Variants in ZNF75D observed in about 807,000 individuals in gnomAD.
ZNF75D encodes zinc finger protein 75.
Under a neutral mutation model 33.3 loss-of-function variants are expected in ZNF75D, and 33 were observed. The observed-to-expected ratio is 0.99, with a 90% CI of 0.75 to 1.32. ZNF75D has a LOEUF of 1.32. ZNF75D is among the 40% of genes most tolerant of loss of function. The pLI, the probability that ZNF75D is intolerant of heterozygous loss-of-function variation, is 0.00. For synonymous variants in ZNF75D, 113 were observed against 130.6 expected (o/e 0.87, Z 0.92); for missense variants, 338 against 367.5 (o/e 0.92, Z 0.66).
chrX:135,296,674 A>G (rs928630451), intron 1 of ZNF75D, among the ~76,000 whole-genome samples: 3 of 112,646 alleles, frequency 2.7e-5, no homozygotes, highest in African/African-American at 9.7e-5. Context: ...GTTATCAGAC[A>G]TGTGCTCCCC....
chrX:135,256,200 T>C (rs1556414076), intron 1 of ZNF75D, among the ~76,000 whole-genome samples: 1 of 69,280 alleles, frequency 1.4e-5, no homozygotes, highest in Admixed American at 1.8e-4. Flanking sequence ...TCACATCACC[T>C]GGTTTTAACT....
At chrX:135,296,465 C>T (rs1423962355) in intron 1 of ZNF75D, among the ~76,000 whole-genome samples, 4 of 111,917 alleles carry the variant, frequency 3.6e-5, no homozygotes, top group Non-Finnish European at 7.5e-5. Flanking sequence ...GGAAGAGTGG[C>T]TCACAAAGTC....
chrX:135,334,517 A>G (rs1301116618), intron 1 of ZNF75D, among the ~76,000 whole-genome samples: 1 of 112,169 alleles, frequency 8.9e-6, no homozygotes, highest in East Asian at 2.8e-4. Flanking sequence ...AAAGCAGCAC[A>G]ATGCCCACCA....
intron 2 of ZNF75D, among the ~76,000 whole-genome samples, chrX:135,295,503 G>A (rs1021956873): frequency 1.4e-4 from 16 of 111,938 alleles, no homozygotes; most frequent in Non-Finnish European, 2.4e-4. Context: ...TTGTACATCC[G>A]GTAGAAAGAA....
chrX:135,307,161 G>C (rs7065879), intron 1 of ZNF75D, among the ~76,000 whole-genome samples: 28,095 of 110,836 alleles, frequency 0.25, 2,822 homozygotes, highest in South Asian at 0.44. Flanking sequence ...ATAAAATACT[G>C]AATACCAATA....
At chrX:135,280,045 T>A (rs781917333) in intron 1 of ZNF75D, among the ~76,000 whole-genome samples, 7 of 111,485 alleles carry the variant, frequency 6.3e-5, no homozygotes, top group Non-Finnish European at 1.1e-4. Flanking sequence ...GCTTGTTAAT[T>A]TTCTGTCTTG....
At chrX:135,320,876 G>A (rs922223145) in intron 1 of ZNF75D, among the ~76,000 whole-genome samples, 4 of 111,169 alleles carry the variant, frequency 3.6e-5, no homozygotes, top group South Asian at 3.8e-4. Flanking sequence ...CTTTATGCTC[G>A]TCTTGTCAGT....
At chrX:135,300,871 T>C (rs2084209084) in intron 1 of ZNF75D, among the ~76,000 whole-genome samples, 1 of 111,601 alleles carries the variant, frequency 9.0e-6, no homozygotes, top group Non-Finnish European at 1.9e-5. Context: ...GCAAGCGCTT[T>C]GAGGGAGGGA....
At chrX:135,260,005 G>C (rs2083832110) in intron 1 of ZNF75D, among the ~76,000 whole-genome samples, 1 of 111,899 alleles carries the variant, frequency 8.9e-6, no homozygotes, top group Non-Finnish European at 1.9e-5. Flanking sequence ...TAGCATGAAG[G>C]GCTGTTGAAT....
At chrX:135,292,038 TCTCTC>T (rs1226766846) in intron 4 of ZNF75D, among the ~76,000 whole-genome samples, 10 of 111,869 alleles carry the variant, frequency 8.9e-5, no homozygotes, top group South Asian at 7.7e-4. Context: ...TCCATCTTCT[TCTCTC>T]CTCTCAAGTT....
At chrX:135,279,516 T>C (rs1556418183) in intron 1 of ZNF75D, among the ~76,000 whole-genome samples, 1 of 111,728 alleles carries the variant, frequency 9.0e-6, no homozygotes, top group Non-Finnish European at 1.9e-5. Context: ...AGTTATTTCT[T>C]GTCTTCTGCT....
intron 1 of ZNF75D, among the ~76,000 whole-genome samples, chrX:135,258,987 G>A (rs1357836771): frequency 1.8e-5 from 2 of 112,057 alleles, no homozygotes; most frequent in Non-Finnish European, 3.8e-5. Flanking sequence ...TGTAAGGAAG[G>A]GATCCAGTTT....
chrX:135,297,258 T>C (rs1242139888), intron 1 of ZNF75D: 1 of 112,139 alleles, frequency 8.9e-6, no homozygotes, highest in East Asian at 2.8e-4. Context: ...TAAATGCAGA[T>C]GACACTAAGT....
intron 1 of ZNF75D, among the ~76,000 whole-genome samples, chrX:135,257,029 C>T (rs187819804): frequency 3.6e-5 from 4 of 111,050 alleles, no homozygotes; most frequent in East Asian, 2.9e-4. Flanking sequence ...TAACACCCAG[C>T]GAGATGCAGG....
intron 1 of ZNF75D, among the ~76,000 whole-genome samples, chrX:135,266,181 C>T (rs782062340): frequency 1.8e-5 from 2 of 111,165 alleles, no homozygotes; most frequent in Non-Finnish European, 3.8e-5. Context: ...ATCACCTTCA[C>T]TAAGAGGAAG....
intron 5 of ZNF75D, 83 bp downstream of exon 5, chrX:135,291,389 C>A: frequency 9.1e-7 from 1 of 1,094,373 alleles, no homozygotes; most frequent in Non-Finnish European, 1.3e-6. Flanking sequence ...ACCTGCTGGA[C>A]ACTATGAGTC....
intron 1 of ZNF75D, among the ~76,000 whole-genome samples, chrX:135,334,803 T>C (rs2084691017): frequency 8.9e-6 from 1 of 111,823 alleles, no homozygotes; most frequent in East Asian, 2.8e-4. Context: ...ATATTTATTA[T>C]ACATGTGCAT....
intron 6 of ZNF75D, among the ~76,000 whole-genome samples, chrX:135,290,412 C>T (rs183511457): frequency 1.5e-4 from 17 of 112,323 alleles, no homozygotes; most frequent in African/African-American, 4.8e-4. Context: ...TGAATTCTAA[C>T]TCATTTTAAC....
intron 1 of ZNF75D, among the ~76,000 whole-genome samples, chrX:135,303,827 A>G (rs1333420417): frequency 8.9e-6 from 1 of 112,538 alleles, no homozygotes; most frequent in South Asian, 3.7e-4. Context: ...GAATATACTT[A>G]AGTATAGCCT....
Sources: gnomAD v4.1 joint callset for allele counts (sites outside exome capture counted in the v4.1 genomes callset) on GRCh38, gnomAD v4.1.1 for gene constraint, MANE v1.5 for transcripts, NCBI Gene and HGNC (gene_info 2026-07-23, HGNC 2026-07-21) for gene names.